The following AFAP1L1 variants were observed in gnomAD, a reference collection of about 807,000 sequenced individuals.
AFAP1L1 encodes actin filament-associated protein 1-like 1.
In AFAP1L1, 77 loss-of-function variants were observed where a neutral mutation model predicts 99.8. That is an observed-to-expected ratio of 0.77 (90% CI 0.64 to 0.93). AFAP1L1 has a LOEUF of 0.93. AFAP1L1 is among the 40% of genes least tolerant of loss of function. The pLI is 0.00. For missense variants in AFAP1L1, 893 were observed against 996.8 expected, an observed-to-expected ratio of 0.90 and a Z score of 1.40; for synonymous variants, 373 against 395.3, an observed-to-expected ratio of 0.94 and a Z score of 0.67.
At chr5:149,295,513 A>G (rs1287432565) in intron 1 of AFAP1L1, among the ~76,000 whole-genome samples, 1 of 45,374 alleles carries the variant, frequency 2.2e-5, no homozygotes, top group Admixed American at 2.9e-4. Context: ...GGAACCTCAC[A>G]GCAAAAAGAA....
chr5:149,314,357 A>C (rs145813007), intron 9 of AFAP1L1, among the ~76,000 whole-genome samples: 2 of 152,126 alleles, frequency 1.3e-5, no homozygotes, highest in Admixed American at 6.5e-5. Flanking sequence ...GGGGAAGAAG[A>C]AGCAAGCTTG....
Position 149,306,423 on chromosome 5 carries a change from T to A in AFAP1L1, c.535+19T>A. ...AGCTCCTGTAAGTACCAGGTGGGCG[T>A]CCAGATGCTGGGCAGGGCTTCTGCC... On this transcript the variant is annotated intron_variant, in intron 6 of 18. Coordinates refer to ENST00000296721, the MANE Select transcript of AFAP1L1 (RefSeq NM_152406.4). The A allele has an allele frequency of 6.3e-7, 1 of 1,596,360 alleles. No individual in the cohort carries two copies. Among genetic ancestry groups the A allele is most frequent in the Non-Finnish European group, 8.6e-7 (1 of 1,169,408 alleles).
At chr5:149,279,144 G>T (rs1218987734) in intron 1 of AFAP1L1, among the ~76,000 whole-genome samples, 2 of 152,220 alleles carry the variant, frequency 1.3e-5, no homozygotes, top group African/African-American at 4.8e-5. Context: ...TTGTGAGCAA[G>T]ACTAAAGTTG....
chr5:149,278,551 C>G (rs1233822268), intron 1 of AFAP1L1, among the ~76,000 whole-genome samples: 1 of 152,196 alleles, frequency 6.6e-6, no homozygotes, highest in African/African-American at 2.4e-5. Flanking sequence ...CTCCAGGAAG[C>G]CTTTTCTGCC....
chr5:149,304,442 G>A (rs1756330957), intron 5 of AFAP1L1: 1 of 152,284 alleles, frequency 6.6e-6, no homozygotes. Context: ...AAGTGCTGCT[G>A]GGCCTTGAAT....
chr5:149,305,722 C>T (rs1267501068), intron 5 of AFAP1L1, among the ~76,000 whole-genome samples: 1 of 152,152 alleles, frequency 6.6e-6, no homozygotes, highest in South Asian at 2.1e-4. Flanking sequence ...CTCCTCTAGT[C>T]CAATTCTTTC....
chr5:149,306,379 G>A lies in AFAP1L1; in HGVS notation c.510G>A (p.Arg170=). The change falls in exon 6 of 19, where the codon AGG becomes AGA. Residue 170 remains arginine, a synonymous_variant. Transcript: ENST00000296721. ...EDADSSYPAT[R]VNGELKSSYN... is the part of the protein sequence containing the mutation. ...CAGACAGCAGCTACCCTGCAACCAG[G>A]GTGAACGGCGAGCTTAAGAGCTCCT... is the stretch of plus-strand genomic sequence containing the variant. The A allele has an allele frequency of 6.2e-7, 1 of 1,612,852 alleles. No individual in the cohort carries two copies. Among genetic ancestry groups the A allele is most frequent in the Non-Finnish European group, 8.5e-7 (1 of 1,179,496 alleles).
chr5:149,312,765 G>A (rs1756674871), intron 9 of AFAP1L1, among the ~76,000 whole-genome samples: 1 of 151,810 alleles, frequency 6.6e-6, no homozygotes, highest in South Asian at 2.1e-4. Flanking sequence ...CTCCAGCCTG[G>A]GCAACAGAGT....
In AFAP1L1 at chr5:149,306,228, G is replaced by A. The variant is rs1756405955; in HGVS notation, c.437-78G>A. The A allele has an allele frequency of 2.3e-6, 3 of 1,277,830 alleles. 1 individual carries two copies. The African/African-American group carries it at 4.4e-5, about 19-fold the overall frequency. 79.2% of individuals were successfully genotyped at this position (1,277,830 alleles called of 1,614,324 possible). ...CTCTTCCCTGAGGTGGAGCAGGGGT[G>A]TCAGGGTCTCCCCCAGTCCTGGCCC... On this transcript the variant is annotated intron_variant, in intron 5 of 18. Coordinates refer to ENST00000296721, the MANE Select transcript of AFAP1L1 (RefSeq NM_152406.4).
At chr5:149,288,613 A>G (rs1197906852) in intron 1 of AFAP1L1, among the ~76,000 whole-genome samples, 1 of 152,054 alleles carries the variant, frequency 6.6e-6, no homozygotes, top group Non-Finnish European at 1.5e-5. Flanking sequence ...ACAGTTTTCC[A>G]CTTCCTCCTG....
intron 17 of AFAP1L1, among the ~76,000 whole-genome samples, chr5:149,335,167 A>G (rs1251488372): frequency 6.6e-6 from 1 of 152,198 alleles, no homozygotes. Context: ...CAATGCTGTC[A>G]TGTTTGCCAG....
intron 1 of AFAP1L1, 24 bp from the exon 2 acceptor site, chr5:149,299,483 CTG>C (rs1274646229): frequency 4.3e-6 from 7 of 1,613,206 alleles, no homozygotes; most frequent in East Asian, 4.5e-5. Flanking sequence ...GCAGCTGTGA[CTG>C]TGCCCGTCTG....
At chr5:149,331,799 A>G (rs1373931228) in intron 16 of AFAP1L1, among the ~76,000 whole-genome samples, 1 of 152,116 alleles carries the variant, frequency 6.6e-6, no homozygotes, top group African/African-American at 2.4e-5. Context: ...AGGGACTTAA[A>G]TGATGTCACC....
At chr5:149,303,652 A>T (rs1210292368) in intron 5 of AFAP1L1, among the ~76,000 whole-genome samples, 1 of 152,136 alleles carries the variant, frequency 6.6e-6, no homozygotes, top group Non-Finnish European at 1.5e-5. Context: ...GCATACAACA[A>T]TTCCATTTGT....
At position 149,299,622 on chromosome 5, in the gene AFAP1L1, C is replaced by T; in HGVS notation, c.130C>T (p.Leu44=). The T allele has an allele frequency of 6.2e-7, 1 of 1,614,160 alleles. No individual in the cohort carries two copies. Among genetic ancestry groups the T allele is most frequent in the East Asian group, 2.2e-5 (1 of 44,886 alleles). Residue 44 remains leucine (L), a synonymous_variant, in exon 2 of 19, where the codon CTG becomes TTG. Transcript: ENST00000296721. The part of the protein sequence containing the change: ...KMAVASILQS[L]QPLPAKEVSY... ...GGCCGTGGCCTCCATCCTGCAGAGC[C>T]TGCAGCCCCTTCCAGGTTAGCCGCC...
chr5:149,332,558 C>T, intron 16 of AFAP1L1, 137 bp from the exon 17 acceptor site: 1 of 872,634 alleles, frequency 1.1e-6, no homozygotes, highest in East Asian at 2.6e-5. Flanking sequence ...AACCCCAAAC[C>T]CAGAGTCCAT....
chr5:149,272,609 A>G (rs1402980794), intron 1 of AFAP1L1, among the ~76,000 whole-genome samples: 2 of 152,212 alleles, frequency 1.3e-5, no homozygotes, highest in Non-Finnish European at 2.9e-5. Context: ...TATTTGGTAG[A>G]CGTTTCACAG....
chr5:149,303,740 C>CTA (rs1420814751), intron 5 of AFAP1L1, among the ~76,000 whole-genome samples: 1 of 152,112 alleles, frequency 6.6e-6, no homozygotes, highest in Non-Finnish European at 1.5e-5. Flanking sequence ...ATGCAAGGAA[C>CTA]TATTAACAGG....
intron 18 of AFAP1L1, among the ~76,000 whole-genome samples, chr5:149,336,187 G>T (rs1260972951): frequency 6.6e-6 from 1 of 152,130 alleles, no homozygotes; most frequent in Non-Finnish European, 1.5e-5. Flanking sequence ...TTTTATAAAG[G>T]TAATATGGTA....
Sources: allele counts gnomAD v4.1 joint callset (sites outside exome capture counted in the v4.1 genomes callset), GRCh38; gene constraint gnomAD v4.1.1; transcripts MANE v1.5; gene names NCBI Gene and HGNC (gene_info 2026-07-23, HGNC 2026-07-21).